The following GDF5 variants were observed in gnomAD, a reference collection of about 807,000 sequenced individuals.
The protein encoded by GDF5 is growth/differentiation factor 5.
Under a neutral mutation model 34.6 loss-of-function variants are expected in GDF5, and 17 were observed. That is an observed-to-expected ratio of 0.49 (90% CI 0.34 to 0.74). The LOEUF (loss-of-function observed/expected upper bound fraction) is 0.74. GDF5 is among the 30% of genes least tolerant of loss of function. The pLI is 0.01. For missense variants in GDF5, 616 were observed against 661.2 expected (o/e 0.93, Z 0.75); for synonymous variants, 332 against 290.7 (o/e 1.14, Z -1.44).
At chr20:35,451,816 G>A (rs1365626625) in intron 1 of GDF5, among the ~76,000 whole-genome samples, 1 of 152,098 alleles carries the variant, frequency 6.6e-6, no homozygotes, top group African/African-American at 2.4e-5. Context: ...TTACAGGCGT[G>A]AGCCACTGCA....
At chr20:35,435,908 TTGTG>T (rs891003410) in intron 1 of GDF5, among the ~76,000 whole-genome samples, 3 of 152,310 alleles carry the variant, frequency 2.0e-5, no homozygotes, top group East Asian at 3.9e-4. Context: ...ATGATTGATC[TTGTG>T]TGTGTATGTA....
chr20:35,433,873 G>T lies in GDF5; in HGVS notation c.*36C>A. The T allele has an allele frequency of 1.3e-6, 2 of 1,589,226 alleles. No individual in the cohort carries two copies. The highest frequency in any genetic ancestry group is 1.7e-6 in the Non-Finnish European group (2 of 1,157,544). On this transcript the variant is annotated 3_prime_UTR_variant, in exon 2 of 2. Coordinates refer to ENST00000374369, the MANE Select transcript of GDF5 (RefSeq NM_000557.5). ...CCAGGAGTGCAGGAAGGGGCTCTTG[G>T]GATGTGCCACCCAGGAAGACAGAGG... is the stretch of plus-strand genomic sequence containing the variant.
intron 1 of GDF5, among the ~76,000 whole-genome samples, chr20:35,451,967 G>A (rs1157042356): frequency 6.6e-6 from 1 of 152,208 alleles, no homozygotes; most frequent in Admixed American, 6.5e-5. Context: ...CACAGTAGGA[G>A]TTGAGCAGAT....
upstream of GDF5, among the ~76,000 whole-genome samples, chr20:35,441,935 G>A (rs141712399): frequency 6.6e-6 from 1 of 151,740 alleles, no homozygotes; most frequent in African/African-American, 2.4e-5. Context: ...GTGATCATGG[G>A]GCTCAGGTGA....
At chr20:35,442,515 G>A (rs1011639137), upstream of GDF5, among the ~76,000 whole-genome samples, 10 of 148,434 alleles carry the variant, frequency 6.7e-5, no homozygotes, top group Admixed American at 1.4e-4. Flanking sequence ...TGCCCAGCCC[G>A]AAGGTAACTC....
chr20:35,451,663 C>T (rs753280063), intron 1 of GDF5, among the ~76,000 whole-genome samples: 1 of 150,646 alleles, frequency 6.6e-6, no homozygotes, highest in Non-Finnish European at 1.5e-5. Flanking sequence ...CTCATTGCAG[C>T]CTCGACCTCC....
At position 35,451,078 on chromosome 20, in the gene GDF5, T is replaced by TAA. The variant is rs1568738460; in HGVS notation, c.-398+3561_-398+3562insTT. Among the ~76,000 whole-genome samples the TAA allele has an allele frequency of 1.1e-3, 47 of 42,970 alleles. 2 individuals carry two copies. The highest frequency in any genetic ancestry group is 1.6e-3 in the Admixed American group (8 of 4,968). 28.2% of individuals were successfully genotyped at this position (42,970 alleles called of 152,430 possible). On this transcript the variant is annotated intron_variant, in intron 1 of 3. Transcript: ENST00000374372. ...AAAAAAAAAAAAATATATATATATA[T>TAA]ATATATATATATATACACAAATATA...
chr20:35,446,186 TG>T (rs1450374628), intron 1 of GDF5, among the ~76,000 whole-genome samples: 1 of 149,982 alleles, frequency 6.7e-6, no homozygotes. Flanking sequence ...GGCAGGCACC[TG>T]TAATTCCAGC....
In GDF5 at chr20:35,446,262, A is replaced by ATCCAGCCATTGCAC. The variant is rs140599594; in HGVS notation, c.-397-4889_-397-4876dup. On this transcript the variant is annotated intron_variant, in intron 1 of 3. Transcript: ENST00000374372. ...GAGGCAGAGGTTGCAGTGAGCTGAG[A>ATCCAGCCATTGCAC]TCCAGCCATTGCACTCCAGCCTGGG... Among the ~76,000 whole-genome samples the ATCCAGCCATTGCAC allele has an allele frequency of 1.6e-3, 238 of 151,958 alleles. 1 individual carries two copies. Among genetic ancestry groups the ATCCAGCCATTGCAC allele is most frequent in the African/African-American group, 5.4e-3 (223 of 41,448 alleles).
Position 35,433,938 on chromosome 20 carries a change from T to C in GDF5, c.1477A>G (p.Met493Val). The C allele has an allele frequency of 1.2e-6, 2 of 1,614,044 alleles. No individual in the cohort carries two copies. Among genetic ancestry groups the C allele is most frequent in the Non-Finnish European group, 1.7e-6 (2 of 1,179,960 alleles). Residue 493 changes from methionine to valine, a missense_variant, in exon 2 of 2, where the codon ATG becomes GTG. Coordinates refer to ENST00000374369, the MANE Select transcript of GDF5 (RefSeq NM_000557.5). ...CTGCAGCCACACGACTCCACGACCATGTCCTCATACTGCTTATACACCACG... is the reference window on the plus strand; with the variant it reads ...CTGCAGCCACACGACTCCACGACCACGTCCTCATACTGCTTATACACCACG... ...NNVVYKQYED[M>V]VVESCGCR
upstream of GDF5, among the ~76,000 whole-genome samples, chr20:35,440,827 T>C (rs1475032501): frequency 6.6e-6 from 1 of 152,214 alleles, no homozygotes; most frequent in African/African-American, 2.4e-5. Context: ...ATATTTATCT[T>C]TGAATTATAC....
At chr20:35,453,935 T>C (rs1013768352) in intron 1 of GDF5, 2 of 534,472 alleles carry the variant, frequency 3.7e-6, no homozygotes, top group Non-Finnish European at 7.7e-6. Context: ...CACAATCTCA[T>C]GCAGCGCTTC....
chr20:35,445,079 G>C (rs756866546), intron 1 of GDF5, among the ~76,000 whole-genome samples: 7 of 152,176 alleles, frequency 4.6e-5, no homozygotes, highest in Non-Finnish European at 1.0e-4. Flanking sequence ...GATGTTTTAA[G>C]CAGGAGAGTA....
At chr20:35,435,958 C>T (rs2062470840) in intron 1 of GDF5, among the ~76,000 whole-genome samples, 2 of 151,934 alleles carry the variant, frequency 1.3e-5, no homozygotes, top group African/African-American at 2.4e-5. Flanking sequence ...GTGTGTGATT[C>T]GGCATGTGTG....
At chr20:35,442,087 C>T (rs1191701748), upstream of GDF5, among the ~76,000 whole-genome samples, 5 of 151,752 alleles carry the variant, frequency 3.3e-5, no homozygotes, top group African/African-American at 4.8e-5. Flanking sequence ...GTGATCTGCC[C>T]GCCTTGGCTT....
chr20:35,444,198 G>A (rs118173201), intron 1 of GDF5, among the ~76,000 whole-genome samples: 3,995 of 152,250 alleles, frequency 0.026, 94 homozygotes, highest in South Asian at 0.12. Flanking sequence ...TTTCTCTTAT[G>A]CGTTTGTTTG....
At chr20:35,454,346 C>G (rs2062556852) in intron 1 of GDF5, among the ~76,000 whole-genome samples, 1 of 151,016 alleles carries the variant, frequency 6.6e-6, no homozygotes, top group South Asian at 2.1e-4. Flanking sequence ...CCCAGCTACT[C>G]GGGAGGCTGA....
At chr20:35,440,574 C>T (rs2062494609), upstream of GDF5, among the ~76,000 whole-genome samples, 2 of 152,122 alleles carry the variant, frequency 1.3e-5, no homozygotes, top group African/African-American at 2.4e-5. Flanking sequence ...TCCATGAAGC[C>T]TTCTTGCATC....
chr20:35,438,358 T>TCACACACACAGACACA (rs1555823627), upstream of GDF5: 9 of 160,016 alleles, frequency 5.6e-5, no homozygotes, highest in East Asian at 1.6e-3. Flanking sequence ...TGAAAATACT[T>TCACACACACAGACACA]CACACACACA....
Sources: allele counts gnomAD v4.1 joint callset (sites outside exome capture counted in the v4.1 genomes callset), GRCh38; gene constraint gnomAD v4.1.1; transcripts MANE v1.5; gene names NCBI Gene and HGNC (gene_info 2026-07-23, HGNC 2026-07-21).